The following PCDHGB2 variants were observed in gnomAD, a reference collection of about 807,000 sequenced individuals.
The protein encoded by PCDHGB2 is protocadherin gamma-B2.
In PCDHGB2, 55 loss-of-function variants were observed where a neutral mutation model predicts 59.3. The observed-to-expected ratio is 0.93, with a 90% CI of 0.75 to 1.16. PCDHGB2 has a LOEUF of 1.16. Among genes scored for constraint, PCDHGB2 ranks in the 50% most tolerant of loss-of-function variants. The probability of loss-of-function intolerance (pLI) is 0.00; values close to 1 mark genes in which losing one functional copy is unlikely to be tolerated. For missense variants in PCDHGB2, 1,228 were observed against 1,198.5 expected (o/e 1.02, Z -0.36); for synonymous variants, 516 against 512.0 (o/e 1.01, Z -0.11).
At chr5:141,372,213 C>A (rs999187008) in intron 1 of PCDHGB2, 1 of 1,613,592 alleles carries the variant, frequency 6.2e-7, no homozygotes, top group Non-Finnish European at 8.5e-7. Flanking sequence ...GCTGTCCTAC[C>A]ACATTGTGCA....
Position 141,511,066 on chromosome 5 carries a change from C to T in PCDHGB2, c.2689C>T (p.Pro897Ser). Residue 897 changes from proline to serine, a missense_variant, in exon 4 of 4, where the codon CCA (proline) becomes TCA (serine). Physicochemically the swap from Pro to Ser is moderately conservative, Grantham distance 74. This residue lies in a region of PCDHGB2 where 433 missense variants were observed against 441.8 expected (regional missense o/e 0.98). Transcript: ENST00000522605. The part of the protein sequence containing the change: ...VPDYRQNVYI[P>S]GSNATLTNAA... ...CGACTACCGCCAGAATGTCTACATC[C>T]CAGGCAGCAATGCCACACTGACCAA... 1.2e-6 allele frequency: 2 copies of T among 1,614,230 alleles called. No individual in the cohort carries two copies. Among genetic ancestry groups the T allele is most frequent in the Non-Finnish European group, 1.7e-6 (2 of 1,180,036 alleles).
chr5:141,501,296 C>T (rs4912760), intron 2 of PCDHGB2, among the ~76,000 whole-genome samples: 1,659 of 80,026 alleles, frequency 0.021, 16 homozygotes, highest in African/African-American at 0.042. Flanking sequence ...CTTATACACA[C>T]ACACACACAC....
intron 1 of PCDHGB2, among the ~76,000 whole-genome samples, chr5:141,370,068 G>A (rs988277757): frequency 9.9e-5 from 15 of 152,192 alleles, no homozygotes; most frequent in Non-Finnish European, 1.9e-4. Flanking sequence ...TTTTAAAATG[G>A]GAAGAAAGTA....
intron 1 of PCDHGB2, among the ~76,000 whole-genome samples, chr5:141,369,797 C>G (rs1238211646): frequency 6.6e-6 from 1 of 152,214 alleles, no homozygotes; most frequent in East Asian, 1.9e-4. Context: ...ACTACGTCTT[C>G]TGCCATCACC....
rs534845593 is a variant in PCDHGB2, at chr5:141,478,216, G to A, written c.2422-16591G>A. On this transcript the variant is annotated intron_variant, in intron 1 of 3. Coordinates refer to ENST00000522605, the MANE Select transcript of PCDHGB2 (RefSeq NM_018923.3). ...TTTATCTACTTCTTTCTCTAATCCTGGTTTCTGTGGGGTTTGTGGTCACAG... is the reference window on the plus strand; with the variant it reads ...TTTATCTACTTCTTTCTCTAATCCTAGTTTCTGTGGGGTTTGTGGTCACAG... 414 of 1,614,090 alleles carry A rather than the reference G, an allele frequency of 2.6e-4. 9 individuals carry two copies. In the South Asian group the frequency reaches 4.4e-3, roughly 17 times the overall value.
intron 1 of PCDHGB2, chr5:141,419,601 C>T (rs753678898): frequency 6.2e-7 from 1 of 1,611,818 alleles, no homozygotes; most frequent in South Asian, 1.1e-5. Context: ...GTGCCGCGGG[C>T]CGCGCAGCCA....
At position 141,431,850 on chromosome 5, in the gene PCDHGB2, C is replaced by T; in HGVS notation, c.2422-62957C>T. On this transcript the variant is annotated intron_variant, in intron 1 of 3. Transcript: ENST00000522605. The surrounding 1 kb of genome is among the most constrained non-coding windows in gnomAD (Gnocchi z 4.8). ...GTTCCCGAAAACTCTCCCAGAGGGA[C>T]ATTAATTGCCCTTTTAAATGTAAAT... The T allele has an allele frequency of 1.9e-6, 3 of 1,614,234 alleles. No homozygotes were observed. The highest frequency in any genetic ancestry group is 2.2e-5 in the South Asian group (2 of 91,090).
At chr5:141,393,050 G>A (rs1270447503) in intron 1 of PCDHGB2, 2 of 1,613,668 alleles carry the variant, frequency 1.2e-6, no homozygotes, top group East Asian at 2.2e-5. Flanking sequence ...CTCTGAACCC[G>A]CGCAGCGGCA....
In PCDHGB2 at chr5:141,489,928, G is replaced by A. The variant is rs752861962; in HGVS notation, c.2422-4879G>A. ...CCGCTCAGGGACCACCCTTATCTCT[G>A]TCATCGTGCTGGACATCAATGATAA... On this transcript the variant is annotated intron_variant, in intron 1 of 3. Transcript: ENST00000522605. The surrounding 1 kb of genome is among the most constrained non-coding windows in gnomAD (Gnocchi z 4.5). 2 of 1,614,206 alleles carry A rather than the reference G, an allele frequency of 1.2e-6. No homozygotes were observed. Among genetic ancestry groups the A allele is most frequent in the Non-Finnish European group, 1.7e-6 (2 of 1,180,038 alleles).
At chr5:141,383,700 C>T (rs753632881) in intron 1 of PCDHGB2, 1 of 1,613,936 alleles carries the variant, frequency 6.2e-7, no homozygotes, top group East Asian at 2.2e-5. Flanking sequence ...TACATGCTAT[C>T]GACCTGGACG....
intron 1 of PCDHGB2, chr5:141,414,010 G>A (rs1308472085): frequency 1.2e-6 from 2 of 1,612,990 alleles, no homozygotes; most frequent in Non-Finnish European, 1.7e-6. Flanking sequence ...AGGTGCCAAT[G>A]GAGAAGTGAC....
chr5:141,450,413 T>G (rs549247554), intron 1 of PCDHGB2, among the ~76,000 whole-genome samples: 1 of 152,334 alleles, frequency 6.6e-6, no homozygotes, highest in African/African-American at 2.4e-5. Context: ...GCCATTTGTC[T>G]TGTATAATGC....
chr5:141,444,695 CCT>C (rs2154560766), intron 1 of PCDHGB2, among the ~76,000 whole-genome samples: 1 of 152,134 alleles, frequency 6.6e-6, no homozygotes, highest in South Asian at 2.1e-4. Flanking sequence ...AAAATATTTT[CCT>C]CTTTCTGTTG....
At chr5:141,500,930 G>A (rs1300719832) in intron 2 of PCDHGB2, among the ~76,000 whole-genome samples, 4 of 151,824 alleles carry the variant, frequency 2.6e-5, no homozygotes, top group Admixed American at 6.6e-5. Context: ...GTGCAGTGGC[G>A]CCATCTCGGC....
In PCDHGB2 at chr5:141,432,921, A is replaced by G; in HGVS notation, c.2422-61886A>G. On this transcript the variant is annotated intron_variant, in intron 1 of 3. Transcript: ENST00000522605. The surrounding 1 kb of genome is among the most constrained non-coding windows in gnomAD (Gnocchi z 6.0). ...GCGCTCAGGCTGCGGCGCTGGCACAAGTCACGCCTGCTGCAGGCTTCAGGA... is the reference window on the plus strand; with the variant it reads ...GCGCTCAGGCTGCGGCGCTGGCACAGGTCACGCCTGCTGCAGGCTTCAGGA... 6.2e-7 allele frequency: 1 copy of G among 1,614,114 alleles called. No individual in the cohort carries two copies. The highest frequency in any genetic ancestry group is 1.7e-4 in the Middle Eastern group (1 of 6,060).
rs112731052 is a variant in PCDHGB2 at position 141,457,109 on chromosome 5, A to G, written c.2422-37698A>G. ...TATAAGGATACTAATTAAGCAAAAT[A>G]CGACAGCAATGGAAACTCTGTCCAA... is the stretch of plus-strand genomic sequence containing the variant. On this transcript the variant is annotated intron_variant, in intron 1 of 3. Coordinates refer to ENST00000522605, the MANE Select transcript of PCDHGB2 (RefSeq NM_018923.3). 8.3e-3 allele frequency among the ~76,000 whole-genome samples: 1,258 copies of G among 152,360 alleles called. 17 individuals are homozygous for G. Among genetic ancestry groups the G allele is most frequent in the African/African-American group, 0.029 (1,195 of 41,578 alleles).
chr5:141,390,399 G>A (rs545358089), intron 1 of PCDHGB2: 2 of 1,359,380 alleles, frequency 1.5e-6, no homozygotes, highest in Non-Finnish European at 2.0e-6. Context: ...GATCATTTTA[G>A]GAAAGTTGTA....
chr5:141,473,850 G>A (rs1490458424), intron 1 of PCDHGB2, among the ~76,000 whole-genome samples: 1 of 152,184 alleles, frequency 6.6e-6, no homozygotes, highest in African/African-American at 2.4e-5. Flanking sequence ...TTAGGAAGAT[G>A]AACCTCGCTA....
chr5:141,384,152 A>T (rs1588962194), intron 1 of PCDHGB2: 2 of 1,613,508 alleles, frequency 1.2e-6, no homozygotes, highest in Non-Finnish European at 1.7e-6. Flanking sequence ...CTCTCTTTGT[A>T]TAACATCACA....
Sources: gnomAD v4.1 joint callset for allele counts (sites outside exome capture counted in the v4.1 genomes callset) on GRCh38, gnomAD v4.1.1 for gene constraint, gnomAD v4.1.1 regional missense constraint, Gnocchi (gnomAD v3.1) non-coding constraint, MANE v1.5 for transcripts, NCBI Gene and HGNC (gene_info 2026-07-23, HGNC 2026-07-21) for gene names.